The following MAPK10 variants were observed in gnomAD, a reference collection of about 807,000 sequenced individuals.
MAPK10 encodes JNK3 alpha protein kinase.
Under a neutral mutation model 59.3 loss-of-function variants are expected in MAPK10, and 25 were observed. The observed-to-expected ratio is 0.42, with a 90% CI of 0.31 to 0.59. The LOEUF (loss-of-function observed/expected upper bound fraction) is 0.59, where lower values mean the gene tolerates loss of function less well. MAPK10 is among the 20% of genes least tolerant of loss of function. The pLI, the probability that MAPK10 is intolerant of heterozygous loss-of-function variation, is 0.15. For missense variants in MAPK10, 351 were observed against 568.9 expected (o/e 0.62, Z 3.90); for synonymous variants, 190 against 200.5 (o/e 0.95, Z 0.44).
At position 86,080,522 on chromosome 4, in the gene MAPK10, G is replaced by A. The variant is rs151306457; in HGVS notation, c.803-12567C>T. ...AAGGGAACCTCAATTAAAAATAAGAGTTTTATTATCAAGGACTCCACTAAA... is the reference window on the plus strand; with the variant it reads ...AAGGGAACCTCAATTAAAAATAAGAATTTTATTATCAAGGACTCCACTAAA... On this transcript the variant is annotated intron_variant, in intron 9 of 13. Transcript: ENST00000641462. 5.3e-4 allele frequency: 81 copies of A among 151,988 alleles called. 1 individual carries two copies. The East Asian group carries it at 0.014, about 27-fold the overall frequency. 9.4% of individuals were successfully genotyped at this position (151,988 alleles called of 1,614,324 possible).
At chr4:86,446,382 AATTT>A (rs373696814) in intron 1 of MAPK10, among the ~76,000 whole-genome samples, 3 of 152,042 alleles carry the variant, frequency 2.0e-5, no homozygotes, top group East Asian at 1.9e-4. Flanking sequence ...CACATTCAAG[AATTT>A]ATTTATTTAT....
At chr4:86,126,467 G>A (rs1005354171) in intron 4 of MAPK10, among the ~76,000 whole-genome samples, 2 of 151,964 alleles carry the variant, frequency 1.3e-5, no homozygotes, top group Admixed American at 6.6e-5. Flanking sequence ...CATGTTTGTT[G>A]CATGAAATTA....
upstream of MAPK10, among the ~76,000 whole-genome samples, chr4:86,364,040 C>G (rs187587760): frequency 6.6e-6 from 1 of 152,144 alleles, no homozygotes; most frequent in Non-Finnish European, 1.5e-5. Flanking sequence ...CCTTGGCCTC[C>G]CAAAGTTCTG....
chr4:86,247,109 G>A (rs560942702), intron 2 of MAPK10, among the ~76,000 whole-genome samples: 9 of 152,288 alleles, frequency 5.9e-5, no homozygotes, highest in Non-Finnish European at 1.3e-4. Flanking sequence ...AAGGAAGCCA[G>A]CTTAAAGTAA....
At chr4:86,578,684 A>G (rs1333457951) in intron 1 of MAPK10, among the ~76,000 whole-genome samples, 1 of 152,176 alleles carries the variant, frequency 6.6e-6, no homozygotes, top group Non-Finnish European at 1.5e-5. Flanking sequence ...CATATTTGAG[A>G]GTATTTATTA....
chr4:86,453,588 C>G (rs1410637894), upstream of MAPK10, among the ~76,000 whole-genome samples: 1 of 141,588 alleles, frequency 7.1e-6, no homozygotes, highest in Non-Finnish European at 1.5e-5. Context: ...ACCCCACCCC[C>G]ACCACAGCAG....
At chr4:86,315,161 G>A (rs998443907) in intron 2 of MAPK10, among the ~76,000 whole-genome samples, 2 of 151,916 alleles carry the variant, frequency 1.3e-5, no homozygotes, top group African/African-American at 4.8e-5. Flanking sequence ...AACATCACAT[G>A]TTCTTACTTA....
intron 3 of MAPK10, among the ~76,000 whole-genome samples, chr4:86,168,646 C>T (rs1176595458): frequency 6.6e-6 from 1 of 152,162 alleles, no homozygotes; most frequent in Non-Finnish European, 1.5e-5. Flanking sequence ...CACAGACAAA[C>T]AAAAAGACAG....
intron 1 of MAPK10, among the ~76,000 whole-genome samples, chr4:86,369,456 C>T (rs1296436467): frequency 2.6e-5 from 4 of 151,942 alleles, no homozygotes; most frequent in Non-Finnish European, 4.4e-5. Flanking sequence ...ACATGATGAT[C>T]GTATACAAAC....
chr4:86,128,514 T>C (rs1376499431), intron 4 of MAPK10, among the ~76,000 whole-genome samples: 2 of 152,078 alleles, frequency 1.3e-5, no homozygotes, highest in Non-Finnish European at 2.9e-5. Context: ...AAGAAGGACG[T>C]GTTTGCTTCC....
intron 1 of MAPK10, among the ~76,000 whole-genome samples, chr4:86,459,726 G>A (rs1046756313): frequency 1.4e-4 from 21 of 152,232 alleles, no homozygotes; most frequent in African/African-American, 4.6e-4. Context: ...AGGATGCAAA[G>A]GCATAAGAAT....
At chr4:86,070,732 T>G (rs2047735615) in intron 9 of MAPK10, among the ~76,000 whole-genome samples, 1 of 150,900 alleles carries the variant, frequency 6.6e-6, no homozygotes, top group Non-Finnish European at 1.5e-5. Context: ...CATCATTTTT[T>G]ATGGCTGCAT....
intron 1 of MAPK10, among the ~76,000 whole-genome samples, chr4:86,501,114 GAAAAAAA>G (rs11341561): frequency 0.012 from 1,016 of 87,912 alleles, 15 homozygotes; most frequent in African/African-American, 0.045. Context: ...TCTACGATCT[GAAAAAAA>G]AAAAAAAAAA....
In MAPK10 at chr4:86,101,095, G is replaced by A. The variant is rs2149071522; in HGVS notation, c.687C>T (p.Tyr229=). The A allele has an allele frequency of 1.9e-6, 3 of 1,613,976 alleles. No homozygotes were observed. Among genetic ancestry groups the A allele is most frequent in the Non-Finnish European group, 2.5e-6 (3 of 1,179,928 alleles). The change falls in exon 8 of 14, where the codon TAC becomes TAT. Residue 229 remains tyrosine, a synonymous_variant. Coordinates refer to ENST00000641462, the MANE Select transcript of MAPK10 (RefSeq NM_138982.4). ...MMTPYVVTRY[Y]RAPEVILGMG... The stretch of plus-strand genomic sequence containing the variant: ...TCCCCAGGATGACCTCAGGGGCTCT[G>A]TAATAACGTGTCACCACATATGGAG...
At chr4:86,243,718 C>T (rs1425384425) in intron 2 of MAPK10, among the ~76,000 whole-genome samples, 1 of 151,886 alleles carries the variant, frequency 6.6e-6, no homozygotes, top group Non-Finnish European at 1.5e-5. Context: ...CTATTTAAAA[C>T]TTCTCCCCAC....
At chr4:86,559,853 C>T (rs530087590) in intron 1 of MAPK10, among the ~76,000 whole-genome samples, 40 of 151,526 alleles carry the variant, frequency 2.6e-4, no homozygotes, top group African/African-American at 9.4e-4. Flanking sequence ...GCAGGAGAAT[C>T]GCTTGAACCT....
At chr4:86,147,209 C>T (rs536517042) in intron 4 of MAPK10, among the ~76,000 whole-genome samples, 1 of 152,208 alleles carries the variant, frequency 6.6e-6, no homozygotes, top group East Asian at 1.9e-4. Flanking sequence ...ACCTCAGCCG[C>T]AGGAGTCGCT....
intron 2 of MAPK10, among the ~76,000 whole-genome samples, chr4:86,334,357 A>G (rs1421538525): frequency 6.6e-6 from 1 of 152,080 alleles, no homozygotes; most frequent in Non-Finnish European, 1.5e-5. Context: ...CTCCTGGACC[A>G]CCTTGTACCT....
chr4:86,327,992 T>C (rs1178215198), intron 2 of MAPK10, among the ~76,000 whole-genome samples: 1 of 151,892 alleles, frequency 6.6e-6, no homozygotes, highest in Non-Finnish European at 1.5e-5. Context: ...CTATTTCTTA[T>C]AAAATCTTCC....
Sources: allele counts gnomAD v4.1 joint callset (sites outside exome capture counted in the v4.1 genomes callset), GRCh38; gene constraint gnomAD v4.1.1; transcripts MANE v1.5; gene names NCBI Gene and HGNC (gene_info 2026-07-23, HGNC 2026-07-21).